The following SGCD variants were observed in gnomAD, a reference collection of about 807,000 sequenced individuals.
SGCD encodes the protein sarcoglycan delta.
SGCD carries 18 observed loss-of-function variants against 36.6 expected under a neutral mutation model. That is an observed-to-expected ratio of 0.49 (90% CI 0.34 to 0.73). The LOEUF is 0.73. Ranked by LOEUF, SGCD falls within the 30% of genes least tolerant of loss-of-function variation. The pLI is 0.01. For synonymous variants in SGCD, 133 were observed against 130.6 expected (o/e 1.02, Z -0.12); for missense variants, 387 against 346.7 (o/e 1.12, Z -0.92).
At chr5:156,171,534 A>G (rs574549166) in intron 3 of SGCD, among the ~76,000 whole-genome samples, 2 of 152,318 alleles carry the variant, frequency 1.3e-5, no homozygotes, top group African/African-American at 4.8e-5. Flanking sequence ...ACATATTGGG[A>G]AAATCCAAAT....
intron 7 of SGCD, among the ~76,000 whole-genome samples, chr5:156,653,405 G>A (rs1763538642): frequency 6.7e-6 from 1 of 150,196 alleles, no homozygotes; most frequent in Admixed American, 6.7e-5. Flanking sequence ...TAGTCTTTGA[G>A]GATCTTTTGT....
the SGCD span, among the ~76,000 whole-genome samples, chr5:155,758,550 G>T: frequency 6.6e-6 from 1 of 152,224 alleles, no homozygotes; most frequent in Non-Finnish European, 1.5e-5. Flanking sequence ...CACAGCAGGA[G>T]GTGAGTGATA....
At chr5:156,347,684 G>A (rs1769020937) in intron 3 of SGCD, among the ~76,000 whole-genome samples, 3 of 152,204 alleles carry the variant, frequency 2.0e-5, no homozygotes, top group Admixed American at 1.3e-4. Flanking sequence ...AATTTAATTT[G>A]TAGAACCTGT....
intron 7 of SGCD, among the ~76,000 whole-genome samples, chr5:156,703,650 AC>A (rs1475661073): frequency 6.6e-6 from 1 of 152,226 alleles, no homozygotes; most frequent in African/African-American, 2.4e-5. Flanking sequence ...TTTATTATGT[AC>A]CTAGCTTGTG....
At chr5:156,634,914 A>G (rs1179057943) in intron 6 of SGCD, among the ~76,000 whole-genome samples, 2 of 152,162 alleles carry the variant, frequency 1.3e-5, no homozygotes, top group Non-Finnish European at 2.9e-5. Context: ...GTTATGTCAG[A>G]TTGTCATATT....
intron 6 of SGCD, among the ~76,000 whole-genome samples, chr5:156,640,362 C>T (rs560319197): frequency 1.3e-5 from 2 of 152,064 alleles, no homozygotes; most frequent in Non-Finnish European, 2.9e-5. Flanking sequence ...TCTTTTGCTT[C>T]CCAAGAACCA....
chr5:155,806,389 G>C, the SGCD span, among the ~76,000 whole-genome samples: 1 of 152,086 alleles, frequency 6.6e-6, no homozygotes, highest in African/African-American at 2.4e-5. Context: ...TCCTGACCTC[G>C]TGATCCACCT....
At chr5:156,439,336 C>T (rs1448755088) in intron 3 of SGCD, among the ~76,000 whole-genome samples, 1 of 152,060 alleles carries the variant, frequency 6.6e-6, no homozygotes, top group Non-Finnish European at 1.5e-5. Flanking sequence ...TGCTTCAGGA[C>T]GTCCTTGAAT....
intron 1 of SGCD, among the ~76,000 whole-genome samples, chr5:156,051,325 T>C (rs534087454): frequency 6.8e-6 from 1 of 146,338 alleles, no homozygotes; most frequent in South Asian, 2.2e-4. Context: ...GCATTTCTCT[T>C]CTTCCATGAA....
At chr5:156,561,974 G>A (rs1168822503) in intron 4 of SGCD, among the ~76,000 whole-genome samples, 1 of 152,054 alleles carries the variant, frequency 6.6e-6, no homozygotes, top group African/African-American at 2.4e-5. Context: ...GAGCCCTCAG[G>A]CACATGTATT....
chr5:156,445,045 A>C (rs1046727259), intron 3 of SGCD, among the ~76,000 whole-genome samples: 1 of 152,192 alleles, frequency 6.6e-6, no homozygotes, highest in African/African-American at 2.4e-5. Context: ...ATAATAGCCC[A>C]GTGAATGTTC....
At chr5:156,492,072 A>T (rs1379289625) in intron 3 of SGCD, among the ~76,000 whole-genome samples, 1 of 152,174 alleles carries the variant, frequency 6.6e-6, no homozygotes. Context: ...TCTAAAAAAG[A>T]GAGAGAATGA....
chr5:156,124,456 TA>T (rs2127603706), intron 3 of SGCD, among the ~76,000 whole-genome samples: 1 of 152,300 alleles, frequency 6.6e-6, no homozygotes, highest in Admixed American at 6.5e-5. Context: ...TGTTATTCCT[TA>T]AGGTCTTTAG....
At chr5:156,625,829 C>T (rs747688100) in intron 6 of SGCD, among the ~76,000 whole-genome samples, 24 of 152,198 alleles carry the variant, frequency 1.6e-4, no homozygotes, top group Admixed American at 3.3e-4. Flanking sequence ...TATCATGGAC[C>T]GGATGAAAGG....
rs550924501 is a variant in SGCD at position 155,939,319 on chromosome 5, A to C, written c.-282+68895A>C. Reference sequence around the variant, plus strand: ...TCAAAATATCATGTTGTACACACTAAATATATATAATTTTTATTTCTCAAC... The same window carrying C: ...TCAAAATATCATGTTGTACACACTACATATATATAATTTTTATTTCTCAAC... On this transcript the variant is annotated intron_variant, in intron 1 of 9. Coordinates refer to the SGCD transcript ENST00000517913. Among the ~76,000 whole-genome samples the C allele has an allele frequency of 1.9e-3, 286 of 152,254 alleles. 6 individuals are homozygous for C. Among genetic ancestry groups the C allele is most frequent in the East Asian group, 5.8e-4 (3 of 5,174 alleles).
chr5:156,322,209 G>A (rs184824255), upstream of SGCD, among the ~76,000 whole-genome samples: 242 of 152,290 alleles, frequency 1.6e-3, 8 homozygotes, highest in Admixed American at 0.016. Flanking sequence ...TTTTGAGATT[G>A]TTTACATCTT....
At chr5:156,386,853 T>C (rs1164530861) in intron 3 of SGCD, among the ~76,000 whole-genome samples, 1 of 152,256 alleles carries the variant, frequency 6.6e-6, no homozygotes, top group East Asian at 1.9e-4. Context: ...CAGAAAGTTT[T>C]TAACATTCCC....
At chr5:156,076,714 G>C (rs1007501044) in intron 1 of SGCD, among the ~76,000 whole-genome samples, 3 of 151,996 alleles carry the variant, frequency 2.0e-5, no homozygotes. Flanking sequence ...TCATATTTTT[G>C]TAGGTTTCAC....
At chr5:156,098,512 C>A (rs183590776) in intron 1 of SGCD, among the ~76,000 whole-genome samples, 4 of 151,966 alleles carry the variant, frequency 2.6e-5, no homozygotes. Flanking sequence ...TTTCATAATA[C>A]AATTATAGTT....
Sources: allele counts gnomAD v4.1 joint callset (sites outside exome capture counted in the v4.1 genomes callset), GRCh38; gene constraint gnomAD v4.1.1; transcripts MANE v1.5; gene names NCBI Gene and HGNC (gene_info 2026-07-23, HGNC 2026-07-21).